PPFIA1: variants seen among roughly 807,000 people sequenced by gnomAD.
PPFIA1 encodes the protein PPFI scaffold protein A1.
A neutral mutation model predicts 149.9 loss-of-function variants in PPFIA1; 25 were observed. That is an observed-to-expected ratio of 0.17 (90% CI 0.12 to 0.23). The LOEUF is 0.23. PPFIA1 is among the 10% of genes least tolerant of loss of function. The pLI, the probability that PPFIA1 is intolerant of heterozygous loss-of-function variation, is 1.00. For synonymous variants in PPFIA1, 549 were observed against 552.8 expected, an observed-to-expected ratio of 0.99 and a Z score of 0.10; for missense variants, 1,362 against 1,506.5, an observed-to-expected ratio of 0.90 and a Z score of 1.59.
At chr11:70,300,375 A>G (rs1190909577) in intron 2 of PPFIA1, among the ~76,000 whole-genome samples, 1 of 151,266 alleles carries the variant, frequency 6.6e-6, no homozygotes, top group Non-Finnish European at 1.5e-5. Flanking sequence ...TTTAATTTTT[A>G]TTTATTTATT....
chr11:70,295,518 C>G (rs1207957198), intron 2 of PPFIA1, among the ~76,000 whole-genome samples: 2 of 142,984 alleles, frequency 1.4e-5, no homozygotes, highest in Non-Finnish European at 3.1e-5. Flanking sequence ...GCTGACCCCC[C>G]CCACCTCCCT....
At chr11:70,370,619 C>G (rs532996337) in intron 21 of PPFIA1, among the ~76,000 whole-genome samples, 1 of 151,986 alleles carries the variant, frequency 6.6e-6, no homozygotes, top group Non-Finnish European at 1.5e-5. Flanking sequence ...AACTCCTGAC[C>G]AAAGGTGATC....
At chr11:70,373,158 T>TA (rs1158039542) in intron 23 of PPFIA1, among the ~76,000 whole-genome samples, 2 of 152,254 alleles carry the variant, frequency 1.3e-5, no homozygotes, top group Non-Finnish European at 2.9e-5. Flanking sequence ...GACGTGGAGT[T>TA]GGTTCTCTTC....
At chr11:70,365,451 C>T (rs757677231) in intron 21 of PPFIA1, 2 of 456,592 alleles carry the variant, frequency 4.4e-6, no homozygotes, top group African/African-American at 2.0e-5. Flanking sequence ...TCACGCCCCA[C>T]AGCCTGCACT....
chr11:70,354,036 C>G (rs984059733), intron 16 of PPFIA1, among the ~76,000 whole-genome samples: 14 of 152,160 alleles, frequency 9.2e-5, no homozygotes, highest in South Asian at 6.2e-4. Context: ...GAACCTTGGG[C>G]TGCATGGAGG....
chr11:70,367,349 G>T (rs7950280), intron 21 of PPFIA1, among the ~76,000 whole-genome samples: 26,747 of 152,218 alleles, frequency 0.18, 3,059 homozygotes, highest in African/African-American at 0.31. Flanking sequence ...GACTAGGGGA[G>T]GAAGACATCA....
At chr11:70,334,943 G>T (rs1004154872) in intron 10 of PPFIA1, among the ~76,000 whole-genome samples, 2 of 152,204 alleles carry the variant, frequency 1.3e-5, no homozygotes, top group African/African-American at 4.8e-5. Flanking sequence ...AGAAACAAAG[G>T]TTTTAAACCA....
intron 21 of PPFIA1, chr11:70,363,347 C>T (rs1183124432): frequency 6.6e-6 from 1 of 152,150 alleles, no homozygotes; most frequent in African/African-American, 2.4e-5. Flanking sequence ...TAAACAAGAT[C>T]ATGTAGTATT....
chr11:70,339,287 T>G lies in PPFIA1; in HGVS notation c.1688T>G (p.Leu563Arg), dbSNP rs2055165991. 1 of 1,613,842 alleles carries G rather than the reference T, an allele frequency of 6.2e-7. No individual in the cohort carries two copies. Among genetic ancestry groups the G allele is most frequent in the South Asian group, 1.1e-5 (1 of 91,068 alleles). ...RRPQKGRLAA[L>R]RDEPSKVQTL... ...CCACAGAAAGGCCGGCTGGCAGCCC[T>G]GCGAGATGAGCCTTCCAAGGCAAGG... The change falls in exon 14 of 28, where the codon CTG becomes CGG. Residue 563 changes from leucine (L) to arginine (R), a missense_variant. Coordinates refer to ENST00000253925, the MANE Select transcript of PPFIA1 (RefSeq NM_003626.5).
At chr11:70,290,382 G>A (rs555300088) in intron 2 of PPFIA1, among the ~76,000 whole-genome samples, 9 of 152,330 alleles carry the variant, frequency 5.9e-5, no homozygotes, top group South Asian at 2.1e-4. Context: ...GGTTTGCATG[G>A]AATAGTCCCG....
intron 2 of PPFIA1, among the ~76,000 whole-genome samples, chr11:70,318,741 C>T (rs1050168613): frequency 2.0e-5 from 3 of 152,348 alleles, no homozygotes; most frequent in South Asian, 2.1e-4. Flanking sequence ...CCAGCAAGTC[C>T]GACCAACAAG....
chr11:70,334,598 C>T (rs558312010), intron 10 of PPFIA1: 1 of 152,334 alleles, frequency 6.6e-6, no homozygotes, highest in African/African-American at 2.4e-5. Flanking sequence ...GTATGCGATA[C>T]TCCGTATGGC....
At chr11:70,281,230 C>A (rs1003640132) in intron 2 of PPFIA1, among the ~76,000 whole-genome samples, 1 of 152,114 alleles carries the variant, frequency 6.6e-6, no homozygotes, top group Non-Finnish European at 1.5e-5. Context: ...GTGATGCTGT[C>A]TTCCTTCAGA....
chr11:70,309,104 C>G (rs1187903665), intron 2 of PPFIA1, among the ~76,000 whole-genome samples: 1 of 151,400 alleles, frequency 6.6e-6, no homozygotes, highest in Non-Finnish European at 1.5e-5. Flanking sequence ...CTAATATATA[C>G]TTGAATTCTG....
chr11:70,345,450 T>A (rs186571275), intron 15 of PPFIA1, among the ~76,000 whole-genome samples: 1 of 152,178 alleles, frequency 6.6e-6, no homozygotes, highest in East Asian at 1.9e-4. Context: ...TGTATTGTTA[T>A]GGAGTGCCAA....
intron 2 of PPFIA1, among the ~76,000 whole-genome samples, chr11:70,279,526 A>G (rs778213493): frequency 2.7e-5 from 4 of 146,620 alleles, no homozygotes; most frequent in Non-Finnish European, 6.0e-5. Context: ...AAATATTCCT[A>G]TTTTCCACTC....
In PPFIA1 at chr11:70,297,549, G is replaced by A. The variant is rs185278893; in HGVS notation, c.264+25113G>A. On this transcript the variant is annotated intron_variant, in intron 2 of 27. Transcript: ENST00000253925. ...GGTGCATTCATGTGTGAGAAGAATG[G>A]ATGAAATTCAAAATTACTCATATTC... Among the ~76,000 whole-genome samples the A allele has an allele frequency of 2.2e-3, 331 of 152,342 alleles. 1 individual carries two copies. Among genetic ancestry groups the A allele is most frequent in the African/African-American group, 7.8e-3 (323 of 41,584 alleles).
At chr11:70,282,873 CTT>C (rs1179622870) in intron 2 of PPFIA1, among the ~76,000 whole-genome samples, 5 of 85,416 alleles carry the variant, frequency 5.9e-5, no homozygotes, top group African/African-American at 1.4e-4. Context: ...GAATTTTGCT[CTT>C]GTCGCCCAGG....
intron 2 of PPFIA1, among the ~76,000 whole-genome samples, chr11:70,309,450 T>C (rs2053111716): frequency 2.0e-5 from 3 of 152,168 alleles, no homozygotes; most frequent in Admixed American, 2.0e-4. Flanking sequence ...TTTACAGGCA[T>C]GAGCCACCAT....
Sources: gnomAD v4.1 joint callset for allele counts (sites outside exome capture counted in the v4.1 genomes callset) on GRCh38, gnomAD v4.1.1 for gene constraint, MANE v1.5 for transcripts, NCBI Gene and HGNC (gene_info 2026-07-23, HGNC 2026-07-21) for gene names.